CLYBL: variants seen among roughly 807,000 people sequenced by gnomAD.
CLYBL encodes the protein citramalyl-CoA lyase, mitochondrial.
Under a neutral mutation model 38.9 loss-of-function variants are expected in CLYBL, and 31 were observed. That is an observed-to-expected ratio of 0.80 (90% CI 0.60 to 1.08). The LOEUF is 1.08. Among genes scored for constraint, CLYBL ranks in the 50% least tolerant of loss-of-function variants. The pLI, the probability that CLYBL is intolerant of heterozygous loss-of-function variation, is 0.00. For synonymous variants in CLYBL, 171 were observed against 158.6 expected (o/e 1.08, Z -0.59); for missense variants, 434 against 411.6 (o/e 1.05, Z -0.47).
intron 2 of CLYBL, among the ~76,000 whole-genome samples, chr13:99,778,439 A>AT (rs1233670886): frequency 1.3e-5 from 2 of 152,014 alleles, no homozygotes; most frequent in African/African-American, 2.4e-5. Context: ...TTTATATCTC[A>AT]TTTTTTTATT....
rs2051037102 is a variant in CLYBL at position 99,840,200 on chromosome 13, C to A, written c.250-18661C>A. Among the ~76,000 whole-genome samples the A allele has an allele frequency of 1.8e-4, 28 of 151,786 alleles. No homozygotes were observed. The South Asian group carries it at 5.9e-3, about 32-fold the overall frequency. ...ACCAGGAGACCTCGGGAACTCTGTC[C>A]TTGTGGTCCTCATCCCTTCATTCTC... On this transcript the variant is annotated intron_variant, in intron 2 of 8. Transcript: ENST00000339105.
chr13:99,884,346 G>A (rs1326029151), intron 7 of CLYBL, among the ~76,000 whole-genome samples: 2 of 152,052 alleles, frequency 1.3e-5, no homozygotes, highest in East Asian at 1.9e-4. Context: ...CTGTCCCCTC[G>A]ATCACCCAGC....
intron 2 of CLYBL, among the ~76,000 whole-genome samples, chr13:99,850,353 T>C (rs892127215): frequency 3.3e-5 from 5 of 152,146 alleles, no homozygotes; most frequent in African/African-American, 1.2e-4. Context: ...GCAAGGGACT[T>C]GAATAGACAT....
chr13:99,669,077 C>T (rs1489004852), intron 1 of CLYBL, among the ~76,000 whole-genome samples: 2 of 151,750 alleles, frequency 1.3e-5, no homozygotes, highest in Non-Finnish European at 2.9e-5. Context: ...TCTCGGCTCA[C>T]TGCAACCTCT....
intron 1 of CLYBL, among the ~76,000 whole-genome samples, chr13:99,713,784 AATG>A (rs36097438): frequency 5.8e-4 from 87 of 150,116 alleles, no homozygotes; most frequent in Non-Finnish European, 1.1e-3. Context: ...CCTGGGCTCA[AATG>A]ATCCTCCTGC....
At chr13:99,742,136 C>G (rs140523579) in intron 1 of CLYBL, among the ~76,000 whole-genome samples, 48 of 152,276 alleles carry the variant, frequency 3.2e-4, no homozygotes, top group Non-Finnish European at 5.4e-4. Flanking sequence ...TAATTTGTAC[C>G]TTGGAACGTG....
intron 1 of CLYBL, among the ~76,000 whole-genome samples, chr13:99,705,010 A>T (rs1328156933): frequency 6.6e-6 from 1 of 152,238 alleles, no homozygotes. Context: ...TGTTTGCAAC[A>T]TTATGTTTAA....
At chr13:99,820,589 A>G (rs1298430275) in intron 2 of CLYBL, among the ~76,000 whole-genome samples, 1 of 150,450 alleles carries the variant, frequency 6.6e-6, no homozygotes, top group Non-Finnish European at 1.5e-5. Context: ...GTTGCTTCAC[A>G]GTCTCAATCT....
intron 1 of CLYBL, among the ~76,000 whole-genome samples, chr13:99,673,455 A>C (rs1369535555): frequency 6.6e-6 from 1 of 151,786 alleles, no homozygotes; most frequent in South Asian, 2.1e-4. Flanking sequence ...AAAGGAAATG[A>C]GGGGAGGCAG....
chr13:99,811,826 C>T (rs566068050), intron 2 of CLYBL, among the ~76,000 whole-genome samples: 20 of 152,228 alleles, frequency 1.3e-4, no homozygotes, highest in African/African-American at 4.3e-4. Flanking sequence ...GGAATATAAC[C>T]GACTGAGAGG....
intron 7 of CLYBL, among the ~76,000 whole-genome samples, chr13:99,882,935 G>A (rs2152124959): frequency 6.6e-6 from 1 of 152,046 alleles, no homozygotes; most frequent in African/African-American, 2.4e-5. Context: ...ATCCATCCAT[G>A]CTGTCCCACT....
intron 1 of CLYBL, among the ~76,000 whole-genome samples, chr13:99,725,293 T>A (rs1441686426): frequency 1.3e-5 from 2 of 152,264 alleles, no homozygotes; most frequent in South Asian, 4.1e-4. Flanking sequence ...TACCGTGCGG[T>A]TTTTTTAAGG....
At chr13:99,844,520 C>T (rs1182900264) in intron 2 of CLYBL, among the ~76,000 whole-genome samples, 3 of 152,206 alleles carry the variant, frequency 2.0e-5, no homozygotes, top group Admixed American at 6.5e-5. Flanking sequence ...CTGTTAGCTG[C>T]CTGCACATCA....
intron 2 of CLYBL, among the ~76,000 whole-genome samples, chr13:99,775,075 GA>G (rs1435931906): frequency 6.6e-6 from 1 of 152,136 alleles, no homozygotes; most frequent in Non-Finnish European, 1.5e-5. Context: ...TTTCCTATAG[GA>G]AATAGATAAA....
intron 1 of CLYBL, among the ~76,000 whole-genome samples, chr13:99,766,000 C>G (rs1456240417): frequency 6.6e-6 from 1 of 152,026 alleles, no homozygotes; most frequent in African/African-American, 2.4e-5. Flanking sequence ...TACAGGCATG[C>G]ACCACAATGC....
chr13:99,623,402 A>T (rs1182511348), intron 1 of CLYBL, among the ~76,000 whole-genome samples: 3 of 152,114 alleles, frequency 2.0e-5, no homozygotes, highest in Non-Finnish European at 4.4e-5. Context: ...TTGCATTTAT[A>T]ATAAACCCTG....
At chr13:99,764,754 A>G (rs1267531922) in intron 1 of CLYBL, among the ~76,000 whole-genome samples, 3 of 152,024 alleles carry the variant, frequency 2.0e-5, no homozygotes, top group Non-Finnish European at 4.4e-5. Context: ...ATGGGTCACT[A>G]CAACCCTGAA....
intron 1 of CLYBL, among the ~76,000 whole-genome samples, chr13:99,672,432 T>C (rs1024734791): frequency 1.3e-5 from 2 of 152,166 alleles, no homozygotes; most frequent in African/African-American, 4.8e-5. Flanking sequence ...AGACATGGAA[T>C]TGAGAGTCTC....
chr13:99,812,855 G>C (rs575973152), intron 2 of CLYBL, among the ~76,000 whole-genome samples: 1 of 152,270 alleles, frequency 6.6e-6, no homozygotes, highest in East Asian at 1.9e-4. Context: ...TGGGGCCAAG[G>C]GGGGGCCCTG....
Sources: gnomAD v4.1 joint callset for allele counts (sites outside exome capture counted in the v4.1 genomes callset) on GRCh38, gnomAD v4.1.1 for gene constraint, MANE v1.5 for transcripts, NCBI Gene and HGNC (gene_info 2026-07-23, HGNC 2026-07-21) for gene names.